SLC26A7: variants seen among roughly 807,000 people sequenced by gnomAD.
SLC26A7 encodes anion exchange transporter.
Under a neutral mutation model 82.5 loss-of-function variants are expected in SLC26A7, and 59 were observed. The ratio of observed to expected loss-of-function variants is 0.72; its 90% confidence interval spans 0.58 to 0.89. SLC26A7 has a LOEUF of 0.89. Ranked by LOEUF, SLC26A7 falls within the 40% of genes least tolerant of loss-of-function variation. SLC26A7 has a pLI of 0.00. For missense variants in SLC26A7, 820 were observed against 793.0 expected, an observed-to-expected ratio of 1.03 and a Z score of -0.41; for synonymous variants, 271 against 274.3, an observed-to-expected ratio of 0.99 and a Z score of 0.12.
chr8:91,395,177 G>C lies in SLC26A7; in HGVS notation c.*80G>C. The stretch of plus-strand genomic sequence containing the variant: ...ATGCTGGCATTTTGCACAACTTTTT[G>C]GTTGTTTAGATCCTACAGATGACCT... On this transcript the variant is annotated 3_prime_UTR_variant, in exon 19 of 19. Transcript: ENST00000276609. 1 of 1,602,030 alleles carries C rather than the reference G, an allele frequency of 6.2e-7. No individual in the cohort carries two copies. Among genetic ancestry groups the C allele is most frequent in the South Asian group, 1.1e-5 (1 of 89,086 alleles).
chr8:91,364,514 C>T (rs1338896752), intron 13 of SLC26A7, among the ~76,000 whole-genome samples: 1 of 152,116 alleles, frequency 6.6e-6, no homozygotes, highest in South Asian at 2.1e-4. Flanking sequence ...AGTTTTCCAC[C>T]AACTTTGCCT....
In SLC26A7 at chr8:91,366,748, A is replaced by G. The variant is rs200706542; in HGVS notation, c.1626+31A>G. 72 of 1,598,944 alleles carry G rather than the reference A, an allele frequency of 4.5e-5. 1 individual carries two copies. Among genetic ancestry groups the G allele is most frequent in the Non-Finnish European group, 5.8e-5 (68 of 1,174,918 alleles). On this transcript the variant is annotated intron_variant, in intron 14 of 18. Coordinates refer to ENST00000276609, the MANE Select transcript of SLC26A7 (RefSeq NM_052832.4). ...ATCAATGGTTTGATTAGAATGTCAT[A>G]CTACATGTAGCCTTATATCATGACA...
intron 2 of SLC26A7, among the ~76,000 whole-genome samples, chr8:91,281,192 A>T (rs76993463): frequency 2.0e-5 from 3 of 152,224 alleles, no homozygotes; most frequent in Non-Finnish European, 2.9e-5. Flanking sequence ...AAAGATATAT[A>T]AAAAAACACC....
chr8:91,299,148 T>G (rs942585592), intron 4 of SLC26A7, among the ~76,000 whole-genome samples: 1 of 152,180 alleles, frequency 6.6e-6, no homozygotes, highest in Non-Finnish European at 1.5e-5. Flanking sequence ...CATTTTTCCA[T>G]CAGAGTTTTA....
intron 8 of SLC26A7, chr8:91,342,897 G>T (rs1212463914): frequency 6.4e-6 from 1 of 156,794 alleles, no homozygotes; most frequent in Admixed American, 6.2e-5. Flanking sequence ...CAGGGAGGTA[G>T]GAGGAAATCA....
chr8:91,301,426 C>G (rs1303091497), intron 4 of SLC26A7, among the ~76,000 whole-genome samples: 3 of 152,048 alleles, frequency 2.0e-5, no homozygotes, highest in Non-Finnish European at 4.4e-5. Context: ...CAGCCTAGCT[C>G]TAAAACAACC....
chr8:91,247,651 C>A (rs1157656832), upstream of SLC26A7, among the ~76,000 whole-genome samples: 1 of 152,064 alleles, frequency 6.6e-6, no homozygotes, highest in Admixed American at 6.5e-5. Context: ...CTCTCTTGGT[C>A]TTGAAATGTT....
At chr8:91,394,679 T>TAATAATAAC in intron 18 of SLC26A7, 1 of 1,097,838 alleles carries the variant, frequency 9.1e-7, no homozygotes, top group Non-Finnish European at 1.1e-6. Flanking sequence ...ATTTACAAAA[T>TAATAATAAC]AATAATAACA....
At chr8:91,222,595 C>T (rs867745977) in intron 2 of SLC26A7, among the ~76,000 whole-genome samples, 2 of 152,130 alleles carry the variant, frequency 1.3e-5, no homozygotes, top group Middle Eastern at 3.2e-3. Flanking sequence ...AAGGCCTTTT[C>T]TGCATATATT....
rs530488262 is a variant in SLC26A7, at chr8:91,264,123, G to C, written c.193+14279G>C. On this transcript the variant is annotated intron_variant, in intron 2 of 18. Coordinates refer to ENST00000276609, the MANE Select transcript of SLC26A7 (RefSeq NM_052832.4). ...CTGGTCCAGAGGACAGCTAGTTAGT[G>C]CCAGATGCATTGGGCTTTGCGCTGC... Among the ~76,000 whole-genome samples, 3 of 152,194 alleles carry C rather than the reference G, an allele frequency of 2.0e-5. No individual in the cohort carries two copies. In the South Asian group the frequency reaches 6.2e-4, roughly 32 times the overall value.
rs1190660037 is a variant in SLC26A7 at position 91,317,735 on chromosome 8, T to C, written c.478-481T>C. On this transcript the variant is annotated intron_variant, in intron 4 of 18. Coordinates refer to ENST00000276609, the MANE Select transcript of SLC26A7 (RefSeq NM_052832.4). The stretch of plus-strand genomic sequence containing the variant: ...TCATGTCTTTTCCTTTTTAAAATTT[T>C]AAATTACAGATATAGCAAGGCAAAT... Among the ~76,000 whole-genome samples, 4 of 152,128 alleles carry C rather than the reference T, an allele frequency of 2.6e-5. No individual in the cohort carries two copies. In the South Asian group the frequency reaches 8.3e-4, roughly 31 times the overall value.
At chr8:91,224,706 G>C (rs372221282) in intron 2 of SLC26A7, among the ~76,000 whole-genome samples, 141 of 149,634 alleles carry the variant, frequency 9.4e-4, no homozygotes, top group African/African-American at 3.4e-3. Flanking sequence ...AAAGCACTTT[G>C]TCCCTTGGTG....
chr8:91,315,947 A>G (rs896928492), intron 4 of SLC26A7, among the ~76,000 whole-genome samples: 1 of 152,222 alleles, frequency 6.6e-6, no homozygotes, highest in African/African-American at 2.4e-5. Flanking sequence ...TTTATAGATG[A>G]TAATGAGGCT....
chr8:91,397,015 A>T lies in SLC26A7; in HGVS notation c.*1918A>T, dbSNP rs1055349899. The T allele has an allele frequency of 6.6e-6, 1 of 152,116 alleles. No homozygotes were observed. Among genetic ancestry groups the T allele is most frequent in the African/African-American group, 2.4e-5 (1 of 41,452 alleles). The allele number at this position is 152,116 out of a possible 1,614,324, so 9.4% of individuals were successfully genotyped here. On this transcript the variant is annotated 3_prime_UTR_variant, in exon 19 of 19. Coordinates refer to ENST00000276609, the MANE Select transcript of SLC26A7 (RefSeq NM_052832.4). ...GGATCAGTTCTGACATTAAAATCAT[A>T]GTTAATTGATGGATGGTTTTTATAG...
chr8:91,376,320 C>CACTGA lies in SLC26A7; in HGVS notation c.1675+6488_1675+6492dup, dbSNP rs1485568371. ...TCTTTTTGTACTGCAGTAGTTCTTT[C>CACTGA]ACTGATTCCTTCTCATCTGAAGGAG... On this transcript the variant is annotated intron_variant, in intron 15 of 18. Transcript: ENST00000276609. Among the ~76,000 whole-genome samples the CACTGA allele has an allele frequency of 3.9e-5, 6 of 152,202 alleles. No individual in the cohort carries two copies. The East Asian group carries it at 9.6e-4, about 24-fold the overall frequency.
chr8:91,368,132 ATAGAGG>A (rs1391067873), intron 14 of SLC26A7, among the ~76,000 whole-genome samples: 1 of 152,196 alleles, frequency 6.6e-6, no homozygotes, highest in Non-Finnish European at 1.5e-5. Context: ...GAGAAAAACT[ATAGAGG>A]TAAAGTGCCC....
intron 2 of SLC26A7, among the ~76,000 whole-genome samples, chr8:91,231,642 G>A (rs1386625990): frequency 3.3e-5 from 5 of 150,856 alleles, no homozygotes. Flanking sequence ...TTGAATCACT[G>A]TGTTTCAACT....
chr8:91,216,664 C>T (rs888396448), intron 1 of SLC26A7, among the ~76,000 whole-genome samples: 1 of 152,136 alleles, frequency 6.6e-6, no homozygotes, highest in Non-Finnish European at 1.5e-5. Flanking sequence ...CATATTTAGC[C>T]TGTCTTTTGC....
intron 4 of SLC26A7, among the ~76,000 whole-genome samples, chr8:91,314,282 A>T (rs1197743147): frequency 6.6e-6 from 1 of 152,174 alleles, no homozygotes; most frequent in Non-Finnish European, 1.5e-5. Context: ...TGGGTCTCCA[A>T]GCACAATATT....
Sources: allele counts gnomAD v4.1 joint callset (sites outside exome capture counted in the v4.1 genomes callset), GRCh38; gene constraint gnomAD v4.1.1; transcripts MANE v1.5; gene names NCBI Gene and HGNC (gene_info 2026-07-23, HGNC 2026-07-21).